The following PLIN5 variants were observed in gnomAD, a reference collection of about 807,000 sequenced individuals.
PLIN5 encodes perilipin 5, also known as perilipin-5.
A neutral mutation model predicts 32.8 loss-of-function variants in PLIN5; 34 were observed. The ratio of observed to expected loss-of-function variants is 1.04; its 90% CI spans 0.79 to 1.38. PLIN5 has a LOEUF of 1.38. PLIN5 is among the 40% of genes most tolerant of loss of function. PLIN5 has a pLI of 0.00. For missense variants in PLIN5, 712 were observed against 660.5 expected (o/e 1.08, Z -0.85); for synonymous variants, 309 against 292.9 (o/e 1.05, Z -0.56).
In PLIN5 at chr19:4,523,871, C is replaced by T. The variant is rs1242634374; in HGVS notation, c.1049G>A (p.Arg350His). Residue 350 changes from arginine to histidine, a missense_variant, in exon 8 of 8, where the codon CGC becomes CAC. Coordinates refer to ENST00000381848, the MANE Select transcript of PLIN5 (RefSeq NM_001013706.3). The surrounding 1 kb of genome is among the most constrained non-coding windows in gnomAD (Gnocchi z 5.0). ...PAAALAEGRGRVAHAHACVDE... is the reference protein window; with the variant it reads ...PAAALAEGRGHVAHAHACVDE... ...CACGCAGGCGTGCGCGTGGGCCACG[C>T]GACCCCGGCCCTCGGCCAGCGCGGC... is the stretch of plus-strand genomic sequence containing the variant. 6.6e-6 allele frequency: 10 copies of T among 1,523,200 alleles called. No individual in the cohort carries two copies. Among genetic ancestry groups the T allele is most frequent in the Admixed American group, 6.4e-5 (3 of 46,718 alleles). 94.4% of individuals were successfully genotyped at this position (1,523,200 alleles called of 1,614,324 possible). A position where few individuals can be genotyped will look rare whatever the true frequency, so the allele number is the denominator to read the frequency against.
chr19:4,531,537 T>G (rs1976883983), intron 3 of PLIN5, 90 bp downstream of exon 3: 3 of 1,285,086 alleles, frequency 2.3e-6, no homozygotes, highest in African/African-American at 1.6e-5. Context: ...CCCCCAGGAG[T>G]GTCATGCAGA....
Position 4,524,888 on chromosome 19 carries a change from G to A in PLIN5, c.834+75C>T, listed in dbSNP as rs910065085. ...GTCCCCGGCAGTACTGGGCTGACCC[G>A]CAGTCCGTCGCTCCCCCTCTTCCTC... On this transcript the variant is annotated intron_variant, in intron 7 of 7. Coordinates refer to ENST00000381848, the MANE Select transcript of PLIN5 (RefSeq NM_001013706.3). The A allele has an allele frequency of 6.3e-5, 82 of 1,297,402 alleles. 1 individual carries two copies. In the African/African-American group the frequency reaches 9.4e-4, roughly 15 times the overall value. The allele number at this position is 1,297,402 out of a possible 1,614,324, so 80.4% of individuals were successfully genotyped here. A position where few individuals can be genotyped will look rare whatever the true frequency, so the allele number is the denominator to read the frequency against.
chr19:4,527,551 A>C (rs1050648785), intron 5 of PLIN5, among the ~76,000 whole-genome samples: 7 of 131,500 alleles, frequency 5.3e-5, no homozygotes, highest in African/African-American at 1.9e-4. Context: ...AAAAAAAAAA[A>C]AAAAAAAAAA....
At chr19:4,524,625 A>T (rs888553993) in intron 7 of PLIN5, among the ~76,000 whole-genome samples, 1 of 152,134 alleles carries the variant, frequency 6.6e-6, no homozygotes, top group African/African-American at 2.4e-5. Context: ...GAGAATGTGG[A>T]GGGAGGGAAA....
At chr19:4,530,981 G>T (rs944445906) in intron 3 of PLIN5, among the ~76,000 whole-genome samples, 1 of 146,592 alleles carries the variant, frequency 6.8e-6, no homozygotes, top group Admixed American at 6.8e-5. Context: ...CCTATCAGGG[G>T]ATCAGTTTTT....
chr19:4,525,639 C>A lies in PLIN5; in HGVS notation c.714G>T (p.Leu238=). Residue 238 remains leucine, a synonymous_variant, in exon 6 of 8, where the codon CTG becomes CTT. Transcript: ENST00000381848. The surrounding 1 kb of genome is among the most constrained non-coding windows in gnomAD (Gnocchi z 5.6). The part of the protein sequence containing the change: ...QDTLAQLQET[L]ELIDHMQCGV... ...GCGGGCAGCGGGCTCTCACCAGCTC[C>A]AGCGTCTCCTGCAGCTGGGCCAGGG... The A allele has an allele frequency of 6.2e-7, 1 of 1,613,020 alleles. No homozygotes were observed. The highest frequency in any genetic ancestry group is 8.5e-7 in the Non-Finnish European group (1 of 1,179,986).
intron 5 of PLIN5, among the ~76,000 whole-genome samples, chr19:4,526,378 C>A (rs190078023): frequency 1.1e-4 from 16 of 152,216 alleles, no homozygotes; most frequent in Admixed American, 9.8e-4. Flanking sequence ...TGCACCACCA[C>A]ACCCGATTAA....
chr19:4,526,924 T>C (rs1390867496), intron 5 of PLIN5, among the ~76,000 whole-genome samples: 1 of 150,472 alleles, frequency 6.6e-6, no homozygotes, highest in Non-Finnish European at 1.5e-5. Flanking sequence ...ACACAAGATA[T>C]GGTGGAAAAA....
intron 4 of PLIN5, 174 bp downstream of exon 4, chr19:4,529,610 T>TAC (rs56850019): frequency 0.065 from 28,024 of 428,008 alleles, 329 homozygotes; most frequent in East Asian, 0.094. Flanking sequence ...CATATATGTA[T>TAC]ACACACACAC....
chr19:4,524,028 C>T lies in PLIN5; in HGVS notation c.892G>A (p.Val298Ile), dbSNP rs1219825211. Residue 298 changes from valine to isoleucine, a missense_variant, in exon 8 of 8, where the codon GTA (valine) becomes ATA (isoleucine). Transcript: ENST00000381848. Reference protein sequence around the residue: ...RSLTQELQGTVEALESSVRGL... With the variant: ...RSLTQELQGTIEALESSVRGL... ...CGCACGCTGGACTCCAGAGCCTCTACCGTGCCCTGCAGCTCCTGGGTCAGG... is the reference window on the plus strand; with the variant it reads ...CGCACGCTGGACTCCAGAGCCTCTATCGTGCCCTGCAGCTCCTGGGTCAGG... The T allele has an allele frequency of 6.0e-6, 9 of 1,493,468 alleles. No homozygotes were observed. The highest frequency in any genetic ancestry group is 8.0e-6 in the Non-Finnish European group (9 of 1,131,022). The allele number at this position is 1,493,468 out of a possible 1,614,324, so 92.5% of individuals were successfully genotyped here.
In PLIN5 at chr19:4,525,060, C is replaced by A; in HGVS notation, c.737G>T (p.Cys246Phe). The A allele has an allele frequency of 7.0e-7, 1 of 1,434,744 alleles. No individual in the cohort carries two copies. The highest frequency in any genetic ancestry group is 9.1e-7 in the Non-Finnish European group (1 of 1,092,930). 88.9% of individuals were successfully genotyped at this position (1,434,744 alleles called of 1,614,324 possible). A position where few individuals can be genotyped will look rare whatever the true frequency, so the allele number is the denominator to read the frequency against. Residue 246 changes from cysteine to phenylalanine, a missense_variant, in exon 7 of 8, where the codon TGT (cysteine) becomes TTT (phenylalanine). Transcript: ENST00000381848. The surrounding 1 kb of genome is among the most constrained non-coding windows in gnomAD (Gnocchi z 5.6). ...GGCCGGGGCGGTGGGGGTCACCCCACACTGCATGTGGTCTATCTGCAAGGA... is the reference window on the plus strand; with the variant it reads ...GGCCGGGGCGGTGGGGGTCACCCCAAACTGCATGTGGTCTATCTGCAAGGA... ...ETLELIDHMQCGVTPTAPACP... is the reference protein window; with the variant it reads ...ETLELIDHMQFGVTPTAPACP...
chr19:4,533,929 C>G (rs555050185), intron 2 of PLIN5, 86 bp downstream of exon 2: 2 of 1,436,164 alleles, frequency 1.4e-6, no homozygotes, highest in South Asian at 2.5e-5. Context: ...AGGAGTGGGG[C>G]GGGATACCTG....
At chr19:4,524,763 TAA>T (rs1179303952) in intron 7 of PLIN5, among the ~76,000 whole-genome samples, 198 bp downstream of exon 7, 13 of 136,716 alleles carry the variant, frequency 9.5e-5, no homozygotes, top group African/African-American at 4.7e-4. Flanking sequence ...AATAAATACA[TAA>T]ATAAAACACA....
In PLIN5 at chr19:4,523,170, C is replaced by T; in HGVS notation, c.*358G>A. ...GAACTCCTGACTTCAGATGATCCAC[C>T]TGCCTCAGACTCCCAAAGTGCTGGG... On this transcript the variant is annotated 3_prime_UTR_variant, in exon 8 of 8. Coordinates refer to ENST00000381848, the MANE Select transcript of PLIN5 (RefSeq NM_001013706.3). The surrounding 1 kb of genome is among the most constrained non-coding windows in gnomAD (Gnocchi z 5.0). 5.1e-6 allele frequency: 1 copy of T among 195,918 alleles called. No homozygotes were observed. Among genetic ancestry groups the T allele is most frequent in the East Asian group, 1.2e-4 (1 of 8,660 alleles). 12.1% of individuals were successfully genotyped at this position (195,918 alleles called of 1,614,324 possible).
chr19:4,523,621 G>GTCCCCATCCCCATTCCCAC lies in PLIN5; in HGVS notation c.1280_1298dup (p.Asp433GlufsTer71). ...AGATGTCCCCGGCAACACCCATCCTGTCCCCATCCCCATTCCCACTCCCGT... is the reference window on the plus strand; with the variant it reads ...AGATGTCCCCGGCAACACCCATCCTGTCCCCATCCCCATTCCCACTCCCCATCCCCATTCCCACTCCCGT... On this transcript the variant is annotated frameshift_variant, in exon 8 of 8. Transcript: ENST00000381848. LOFTEE classifies it low-confidence loss of function (END_TRUNC). The surrounding 1 kb of genome is among the most constrained non-coding windows in gnomAD (Gnocchi z 5.0). 2 of 1,610,556 alleles carry GTCCCCATCCCCATTCCCAC rather than the reference G, an allele frequency of 1.2e-6. No individual in the cohort carries two copies. Among genetic ancestry groups the GTCCCCATCCCCATTCCCAC allele is most frequent in the Non-Finnish European group, 1.7e-6 (2 of 1,178,738 alleles).
chr19:4,524,166 A>C (rs1599760657), intron 7 of PLIN5, 81 bp from the exon 8 acceptor site: 1 of 1,318,172 alleles, frequency 7.6e-7, no homozygotes, highest in East Asian at 3.0e-5. Context: ...TGATGGACCC[A>C]CAGTGGAGCT....
In PLIN5 at chr19:4,523,874, C is replaced by T. The variant is rs767931369; in HGVS notation, c.1046G>A (p.Gly349Asp). 6.0e-5 allele frequency: 92 copies of T among 1,522,790 alleles called. 3 individuals carry two copies. The South Asian group carries it at 8.0e-4, about 13-fold the overall frequency. The allele number at this position is 1,522,790 out of a possible 1,614,324, so 94.3% of individuals were successfully genotyped here. Residue 349 changes from glycine to aspartate, a missense_variant, in exon 8 of 8, where the codon GGT becomes GAT. Physicochemically the swap from Gly to Asp is moderately conservative, Grantham distance 94. Coordinates refer to ENST00000381848, the MANE Select transcript of PLIN5 (RefSeq NM_001013706.3). The surrounding 1 kb of genome is among the most constrained non-coding windows in gnomAD (Gnocchi z 5.0). ...GCAGGCGTGCGCGTGGGCCACGCGACCCCGGCCCTCGGCCAGCGCGGCCGC... is the reference window on the plus strand; with the variant it reads ...GCAGGCGTGCGCGTGGGCCACGCGATCCCGGCCCTCGGCCAGCGCGGCCGC... ...VPAAALAEGRGRVAHAHACVD... is the reference protein window; with the variant it reads ...VPAAALAEGRDRVAHAHACVD...
chr19:4,524,527 G>A (rs987883542), intron 7 of PLIN5, among the ~76,000 whole-genome samples: 1 of 152,146 alleles, frequency 6.6e-6, no homozygotes, highest in African/African-American at 2.4e-5. Context: ...ACTCCAGCCT[G>A]GGCGACAGAG....
intron 1 of PLIN5, among the ~76,000 whole-genome samples, chr19:4,534,748 C>T (rs898852924): frequency 6.6e-6 from 1 of 152,190 alleles, no homozygotes; most frequent in Non-Finnish European, 1.5e-5. Context: ...GTCCCTGCTA[C>T]CCCTGCGGCC....
Sources: allele counts gnomAD v4.1 joint callset (sites outside exome capture counted in the v4.1 genomes callset), GRCh38; gene constraint gnomAD v4.1.1; non-coding constraint Gnocchi (gnomAD v3.1); transcripts MANE v1.5; gene names NCBI Gene and HGNC (gene_info 2026-07-23, HGNC 2026-07-21).